ZNF568: variants seen among roughly 807,000 people sequenced by gnomAD.
The protein encoded by ZNF568 is zinc finger protein 568.
Under a neutral mutation model 18.1 loss-of-function variants are expected in ZNF568, and 11 were observed. The ratio of observed to expected loss-of-function variants is 0.61; its 90% CI spans 0.38 to 1.00. ZNF568 has a LOEUF of 1.00. Ranked by LOEUF, ZNF568 falls within the 50% of genes least tolerant of loss-of-function variation. ZNF568 has a pLI of 0.01. For synonymous variants in ZNF568, 213 were observed against 246.6 expected (o/e 0.86, Z 1.28); for missense variants, 639 against 768.2 (o/e 0.83, Z 1.99).
intron 6 of ZNF568, among the ~76,000 whole-genome samples, chr19:36,969,733 C>T (rs2074222206): frequency 6.6e-6 from 1 of 151,116 alleles, no homozygotes; most frequent in African/African-American, 2.4e-5. Flanking sequence ...CTTTTAAGGA[C>T]CCTTGTTGGG....
chr19:36,951,233 C>A lies in ZNF568; in HGVS notation c.*145C>A. 1.4e-6 allele frequency: 1 copy of A among 720,470 alleles called. No homozygotes were observed. The highest frequency in any genetic ancestry group is 2.0e-6 in the Non-Finnish European group (1 of 504,364). The allele number at this position is 720,470 out of a possible 1,614,324, so 44.6% of individuals were successfully genotyped here. On this transcript the variant is annotated 3_prime_UTR_variant, in exon 7 of 7. Coordinates refer to ENST00000333987, the MANE Select transcript of ZNF568 (RefSeq NM_198539.4). ...AATAAATGGAAAGAAATACCATATA[C>A]ATAGATGGAAAAACCCAGTATTATA... is the stretch of plus-strand genomic sequence containing the variant.
At chr19:36,984,093 G>A (rs995471915), downstream of ZNF568, among the ~76,000 whole-genome samples, 1 of 151,764 alleles carries the variant, frequency 6.6e-6, no homozygotes, top group South Asian at 2.1e-4. Context: ...TAGAGAGGGG[G>A]TTTCACCGTG....
intron 4 of ZNF568, among the ~76,000 whole-genome samples, chr19:36,932,667 T>C (rs1052857398): frequency 6.6e-6 from 1 of 152,212 alleles, no homozygotes; most frequent in Non-Finnish European, 1.5e-5. Context: ...CAGCTGTGTA[T>C]GAGGATTCCA....
At chr19:36,917,453 T>G (rs2073363050) in intron 1 of ZNF568, 126 bp from the exon 2 acceptor site, 1 of 152,234 alleles carries the variant, frequency 6.6e-6, no homozygotes, top group Non-Finnish European at 1.5e-5. Context: ...TTAAGAAACA[T>G]ACCTCTTTAT....
At position 36,933,898 on chromosome 19, in the gene ZNF568, G is replaced by GTTTTTTTTTTTTTTTTTTTTTTTTTT. The variant is rs200880642; in HGVS notation, c.136-2848_136-2847insTTTTTTTTTTTTTTTTTTTTTTTTTT. Among the ~76,000 whole-genome samples the GTTTTTTTTTTTTTTTTTTTTTTTTTT allele has an allele frequency of 1.6e-4, 4 of 25,776 alleles. 2 individuals carry two copies. The highest frequency in any genetic ancestry group is 1.1e-3 in the African/African-American group (4 of 3,564). The allele number at this position is 25,776 out of a possible 152,430, so 16.9% of individuals were successfully genotyped here. A position where few individuals can be genotyped will look rare whatever the true frequency, so the allele number is the denominator to read the frequency against. ...TAGGCCTGAGTTTTTCTTTTGGGTAGGTTTTTTTTTTTGTTTTGTTTTTTT... is the reference window on the plus strand; with the variant it reads ...TAGGCCTGAGTTTTTCTTTTGGGTAGTTTTTTTTTTTTTTTTTTTTTTTTTTGTTTTTTTTTTTGTTTTGTTTTTTT... On this transcript the variant is annotated intron_variant, in intron 4 of 6. Coordinates refer to ENST00000333987, the MANE Select transcript of ZNF568 (RefSeq NM_198539.4).
intron 6 of ZNF568, among the ~76,000 whole-genome samples, chr19:36,973,935 C>T (rs1467065056): frequency 6.6e-6 from 1 of 152,090 alleles, no homozygotes; most frequent in Non-Finnish European, 1.5e-5. Context: ...TGTGAATGGC[C>T]TTCCCTCCAT....
At chr19:36,924,571 G>A (rs112717389) in intron 3 of ZNF568, among the ~76,000 whole-genome samples, 15 of 140,354 alleles carry the variant, frequency 1.1e-4, no homozygotes, top group Non-Finnish European at 2.0e-4. Flanking sequence ...CGTCACGCCT[G>A]TAATCCCAGC....
At chr19:36,928,409 A>C (rs2073621811) in intron 4 of ZNF568, among the ~76,000 whole-genome samples, 1 of 152,192 alleles carries the variant, frequency 6.6e-6, no homozygotes, top group Non-Finnish European at 1.5e-5. Context: ...ATTTTAAGAA[A>C]TTATTCACAC....
At chr19:36,956,424 T>C (rs1015307168), downstream of ZNF568, among the ~76,000 whole-genome samples, 10 of 152,268 alleles carry the variant, frequency 6.6e-5, no homozygotes, top group East Asian at 1.9e-3. Context: ...TGCATCAGTT[T>C]AATTTCTCTT....
intron 6 of ZNF568, among the ~76,000 whole-genome samples, chr19:36,964,171 A>G (rs1348204728): frequency 6.6e-6 from 1 of 152,018 alleles, no homozygotes; most frequent in African/African-American, 2.4e-5. Context: ...CAAGTCACAT[A>G]AACATTTGTT....
At chr19:36,986,385 T>C (rs1305558908) in intron 2 of ZNF568, among the ~76,000 whole-genome samples, 1 of 152,140 alleles carries the variant, frequency 6.6e-6, no homozygotes, top group Admixed American at 6.5e-5. Flanking sequence ...ATGTCAAAGC[T>C]TATGGTCTTC....
chr19:36,966,519 A>T (rs999828919), intron 6 of ZNF568, among the ~76,000 whole-genome samples: 1 of 152,224 alleles, frequency 6.6e-6, no homozygotes, highest in African/African-American at 2.4e-5. Context: ...CTTAGTACCC[A>T]AAGGGTTAGA....
chr19:36,925,365 A>G, intron 4 of ZNF568, 107 bp downstream of exon 4: 1 of 1,039,606 alleles, frequency 9.6e-7, no homozygotes, highest in Non-Finnish European at 1.4e-6. Context: ...TGAAAATAAA[A>G]GTGAGAAAAA....
downstream of ZNF568, chr19:36,997,750 A>G: frequency 1.5e-6 from 1 of 666,044 alleles, no homozygotes; most frequent in Non-Finnish European, 2.5e-6. Context: ...AATTTGATTG[A>G]CATGAGAAAG....
chr19:36,949,268 C>T (rs748616080), intron 6 of ZNF568, among the ~76,000 whole-genome samples: 20 of 152,092 alleles, frequency 1.3e-4, no homozygotes, highest in South Asian at 4.1e-4. Flanking sequence ...TATACGTGGA[C>T]GCTTTAAAAA....
chr19:36,939,818 C>T (rs1443498275), intron 6 of ZNF568, among the ~76,000 whole-genome samples: 1 of 152,054 alleles, frequency 6.6e-6, no homozygotes, highest in East Asian at 1.9e-4. Context: ...GGATTACAGG[C>T]AAGAGCCACT....
exon 5 of ZNF568, chr19:36,996,906 A>G (rs778324835): frequency 2.7e-5 from 41 of 1,537,312 alleles, no homozygotes; most frequent in Non-Finnish European, 3.5e-5. Context: ...AAGCCTTTCC[A>G]TCCACTGCAC....
In ZNF568 at chr19:36,950,276, T is replaced by C; in HGVS notation, c.1123T>C (p.Ser375Pro). ...NECGRAFSRM[S>P]SVTLHMRSHT... is the part of the protein sequence containing the mutation. ...ATGTGGTAGAGCTTTTTCTCGAATG[T>C]CATCTGTTACGCTACATATGAGAAG... The change falls in exon 7 of 7, where the codon TCA becomes CCA. Residue 375 changes from serine to proline, a missense_variant. Ser to Pro is a moderately conservative substitution (Grantham distance 74). Coordinates refer to ENST00000333987, the MANE Select transcript of ZNF568 (RefSeq NM_198539.4). The C allele has an allele frequency of 6.2e-7, 1 of 1,614,048 alleles. No individual in the cohort carries two copies. Among genetic ancestry groups the C allele is most frequent in the South Asian group, 1.1e-5 (1 of 91,070 alleles).
chr19:36,934,967 G>A (rs2073763962), intron 4 of ZNF568, among the ~76,000 whole-genome samples: 1 of 150,546 alleles, frequency 6.6e-6, no homozygotes, highest in Admixed American at 6.6e-5. Context: ...AGACAGGTCT[G>A]GCTGTGTTTC....
Sources: allele counts gnomAD v4.1 joint callset (sites outside exome capture counted in the v4.1 genomes callset), GRCh38; gene constraint gnomAD v4.1.1; transcripts MANE v1.5; gene names NCBI Gene and HGNC (gene_info 2026-07-23, HGNC 2026-07-21).